The following SNPH variants were observed in gnomAD, a reference collection of about 807,000 sequenced individuals.
SNPH encodes syntaphilin.
A neutral mutation model predicts 36.8 loss-of-function variants in SNPH; 10 were observed. The observed-to-expected ratio is 0.27, with a 90% confidence interval of 0.17 to 0.46. SNPH has a LOEUF of 0.46. SNPH is among the 20% of genes least tolerant of loss of function. SNPH has a pLI of 1.00. For synonymous variants in SNPH, 281 were observed against 312.2 expected (o/e 0.90, Z 1.05); for missense variants, 622 against 744.0 (o/e 0.84, Z 1.91).
chr20:1,275,133 C>G (rs1400412373), intron 2 of SNPH, among the ~76,000 whole-genome samples: 1 of 152,200 alleles, frequency 6.6e-6, no homozygotes, highest in Non-Finnish European at 1.5e-5. Flanking sequence ...CACCCTGGGC[C>G]TTCTGGGAGC....
At chr20:1,297,064 C>T in intron 4 of SNPH, 81 bp from the exon 5 acceptor site, 4 of 1,502,460 alleles carry the variant, frequency 2.7e-6, no homozygotes, top group Non-Finnish European at 3.6e-6. Context: ...CTTTGGGCCG[C>T]AGCGGCCTGG....
Position 1,307,865 on chromosome 20 carries a change from GC to G in SNPH, c.*1816del, listed in dbSNP as rs893313064. The G allele has an allele frequency of 1.3e-5, 2 of 152,460 alleles. No homozygotes were observed. Among genetic ancestry groups the G allele is most frequent in the Admixed American group, 6.5e-5 (1 of 15,288 alleles). The allele number at this position is 152,460 out of a possible 1,614,324, so 9.4% of individuals were successfully genotyped here. A position where few individuals can be genotyped will look rare whatever the true frequency, so the allele number is the denominator to read the frequency against. On this transcript the variant is annotated 3_prime_UTR_variant, in exon 7 of 7. Coordinates refer to ENST00000381867, the MANE Select transcript of SNPH (RefSeq NM_001318234.2). ...AGATGCCTGAGGCCTGGCTGGGGCT[GC>G]CCCCGCAGGACACTGTGGCCATGCC...
At chr20:1,279,827 GC>G (rs2088195457) in intron 2 of SNPH, among the ~76,000 whole-genome samples, 1 of 152,250 alleles carries the variant, frequency 6.6e-6, no homozygotes, top group Admixed American at 6.5e-5. Flanking sequence ...GGCCTGGCTG[GC>G]CCTTGATGCC....
At chr20:1,301,588 G>A (rs572219561) in intron 6 of SNPH, among the ~76,000 whole-genome samples, 4 of 151,988 alleles carry the variant, frequency 2.6e-5, no homozygotes, top group Admixed American at 6.5e-5. Flanking sequence ...ACAATTAGAT[G>A]ATTGTTAGTT....
intron 5 of SNPH, 96 bp downstream of exon 5, chr20:1,297,348 C>T (rs2088451494): frequency 8.9e-7 from 1 of 1,124,490 alleles, no homozygotes; most frequent in Non-Finnish European, 1.3e-6. Flanking sequence ...GTTCTAACCA[C>T]CCCTGACGCC....
chr20:1,273,300 C>T (rs550906603), intron 2 of SNPH, among the ~76,000 whole-genome samples: 1 of 152,326 alleles, frequency 6.6e-6, no homozygotes, highest in Admixed American at 6.5e-5. Flanking sequence ...ACCACGGTTT[C>T]AGGGCCTTCT....
intron 6 of SNPH, among the ~76,000 whole-genome samples, chr20:1,303,370 A>C (rs990226984): frequency 6.6e-6 from 1 of 152,250 alleles, no homozygotes; most frequent in Non-Finnish European, 1.5e-5. Context: ...CTGGGCCCCA[A>C]GGAGAGAGAG....
At position 1,308,899 on chromosome 20, in the gene SNPH, G is replaced by A. The variant is rs1240773155; in HGVS notation, c.*2845G>A. The A allele has an allele frequency of 6.6e-6, 1 of 152,312 alleles. No homozygotes were observed. Among genetic ancestry groups the A allele is most frequent in the African/African-American group, 2.4e-5 (1 of 41,460 alleles). The allele number at this position is 152,312 out of a possible 1,614,324, so 9.4% of individuals were successfully genotyped here. On this transcript the variant is annotated 3_prime_UTR_variant, in exon 7 of 7. Coordinates refer to ENST00000381867, the MANE Select transcript of SNPH (RefSeq NM_001318234.2). Reference sequence around the variant, plus strand: ...TGGCACTACTGCCCGGCCAGTCCAGGCTCAGGCAGGAATCGGACGCTGGGG... The same window carrying A: ...TGGCACTACTGCCCGGCCAGTCCAGACTCAGGCAGGAATCGGACGCTGGGG...
At position 1,273,313 on chromosome 20, in the gene SNPH, G is replaced by C. The variant is rs149977163; in HGVS notation, c.-493+6553G>C. Among the ~76,000 whole-genome samples the C allele has an allele frequency of 8.3e-4, 127 of 152,302 alleles. 1 individual carries two copies. The highest frequency in any genetic ancestry group is 2.8e-3 in the African/African-American group (118 of 41,572). Reference sequence around the variant, plus strand: ...CTACCACGGTTTCAGGGCCTTCTAGGATTCAGATTAAAGCCACTGATGACA... The same window carrying C: ...CTACCACGGTTTCAGGGCCTTCTAGCATTCAGATTAAAGCCACTGATGACA... On this transcript the variant is annotated intron_variant, in intron 2 of 6. Coordinates refer to ENST00000381867, the MANE Select transcript of SNPH (RefSeq NM_001318234.2).
chr20:1,281,469 G>A (rs563046152), intron 2 of SNPH, among the ~76,000 whole-genome samples: 1 of 152,296 alleles, frequency 6.6e-6, no homozygotes, highest in East Asian at 1.9e-4. Context: ...AAGCTCAAAA[G>A]GCTTTTTTCT....
At chr20:1,290,131 G>A (rs1216488577) in intron 2 of SNPH, among the ~76,000 whole-genome samples, 1 of 151,530 alleles carries the variant, frequency 6.6e-6, no homozygotes, top group African/African-American at 2.4e-5. Context: ...AGAATCACTT[G>A]AACCCGGGAG....
In SNPH at chr20:1,276,275, G is replaced by A. The variant is rs576822137; in HGVS notation, c.-493+9515G>A. On this transcript the variant is annotated intron_variant, in intron 2 of 6. Transcript: ENST00000381867. The surrounding 1 kb of genome is among the most constrained non-coding windows in gnomAD (Gnocchi z 4.6). The stretch of plus-strand genomic sequence containing the variant: ...GTGTTTGAGAGAGAAGCCCTCAGAG[G>A]TTGTTAGGCCTGGTAGAGGTCAGTT... 6.6e-6 allele frequency among the ~76,000 whole-genome samples: 1 copy of A among 152,326 alleles called. No individual in the cohort carries two copies. Among genetic ancestry groups the A allele is most frequent in the East Asian group, 1.9e-4 (1 of 5,170 alleles).
chr20:1,269,271 T>G (rs1405529024), intron 2 of SNPH, among the ~76,000 whole-genome samples: 2 of 152,196 alleles, frequency 1.3e-5, no homozygotes, highest in African/African-American at 2.4e-5. Context: ...CCCTTCTGCT[T>G]CTGACATTCT....
At chr20:1,279,615 C>CTT (rs1259483361) in intron 2 of SNPH, among the ~76,000 whole-genome samples, 2 of 111,626 alleles carry the variant, frequency 1.8e-5, no homozygotes, top group African/African-American at 6.1e-5. Context: ...GAGACTCCGG[C>CTT]TTCTTTTTTT....
chr20:1,283,630 A>G (rs1270504524), intron 2 of SNPH, among the ~76,000 whole-genome samples: 2 of 152,244 alleles, frequency 1.3e-5, no homozygotes, highest in Non-Finnish European at 2.9e-5. Context: ...CTGAATTGGA[A>G]TACATATACA....
chr20:1,306,231 T>C lies in SNPH; in HGVS notation c.*177T>C. 1 of 524,586 alleles carries C rather than the reference T, an allele frequency of 1.9e-6. No homozygotes were observed. The highest frequency in any genetic ancestry group is 3.0e-6 in the Non-Finnish European group (1 of 328,076). The allele number at this position is 524,586 out of a possible 1,614,324, so 32.5% of individuals were successfully genotyped here. On this transcript the variant is annotated 3_prime_UTR_variant, in exon 7 of 7. Coordinates refer to ENST00000381867, the MANE Select transcript of SNPH (RefSeq NM_001318234.2). The stretch of plus-strand genomic sequence containing the variant: ...AAGGAGCAGGGGTTGGAGAAAGGCA[T>C]CCCAAAGCTTCGATGGAGAGCAGGG...
chr20:1,270,865 A>G (rs181287048), intron 2 of SNPH, among the ~76,000 whole-genome samples: 2 of 152,196 alleles, frequency 1.3e-5, no homozygotes, highest in Non-Finnish European at 2.9e-5. Context: ...ACTCTGGCCT[A>G]ACGGGGATTG....
intron 5 of SNPH, 94 bp downstream of exon 5, chr20:1,297,346 C>A: frequency 1.7e-6 from 2 of 1,173,484 alleles, no homozygotes; most frequent in Non-Finnish European, 2.4e-6. Context: ...GTGTTCTAAC[C>A]ACCCCTGACG....
intron 2 of SNPH, among the ~76,000 whole-genome samples, chr20:1,280,808 G>A (rs2088208586): frequency 6.6e-6 from 1 of 152,204 alleles, no homozygotes; most frequent in African/African-American, 2.4e-5. Context: ...ACTTCCCTCA[G>A]CAGGTGTTTA....
Sources: gnomAD v4.1 joint callset for allele counts (sites outside exome capture counted in the v4.1 genomes callset) on GRCh38, gnomAD v4.1.1 for gene constraint, Gnocchi (gnomAD v3.1) non-coding constraint, MANE v1.5 for transcripts, NCBI Gene and HGNC (gene_info 2026-07-23, HGNC 2026-07-21) for gene names.